AFF3: variants seen among roughly 807,000 people sequenced by gnomAD.
AFF3 encodes AF4/FMR2 family member 3.
Under a neutral mutation model 129.7 loss-of-function variants are expected in AFF3, and 32 were observed. That is an observed-to-expected ratio of 0.25 (90% confidence interval 0.19 to 0.33). The LOEUF is 0.33. Ranked by LOEUF, AFF3 falls within the 10% of genes least tolerant of loss-of-function variation. The pLI is 1.00. For missense variants in AFF3, 1,373 were observed against 1,592.0 expected, an observed-to-expected ratio of 0.86 and a Z score of 2.34; for synonymous variants, 644 against 635.4, an observed-to-expected ratio of 1.01 and a Z score of -0.20.
chr2:99,816,383 T>A (rs957571050), intron 8 of AFF3, among the ~76,000 whole-genome samples: 5 of 152,218 alleles, frequency 3.3e-5, no homozygotes, highest in Non-Finnish European at 7.3e-5. Context: ...AGACTGTTAT[T>A]TCTTGCTGTT....
At chr2:100,022,165 G>A (rs936240482) in intron 4 of AFF3, among the ~76,000 whole-genome samples, 18 of 152,098 alleles carry the variant, frequency 1.2e-4, no homozygotes, top group African/African-American at 3.9e-4. Flanking sequence ...GAAAACCAAG[G>A]GGTCTTCCTA....
intron 11 of AFF3, among the ~76,000 whole-genome samples, chr2:99,688,727 A>G (rs1002829849): frequency 2.0e-5 from 3 of 151,790 alleles, no homozygotes; most frequent in African/African-American, 7.3e-5. Context: ...TCCACTCCCA[A>G]CCATGACATC....
At chr2:99,992,987 A>G (rs964271282) in intron 7 of AFF3, among the ~76,000 whole-genome samples, 2 of 152,174 alleles carry the variant, frequency 1.3e-5, no homozygotes, top group African/African-American at 4.8e-5. Context: ...TGGGCAGGAT[A>G]TGCCCTCCCC....
chr2:99,686,378 C>T (rs958893640), intron 11 of AFF3, among the ~76,000 whole-genome samples: 6 of 152,192 alleles, frequency 3.9e-5, no homozygotes, highest in Non-Finnish European at 1.5e-5. Flanking sequence ...TTCAGGTGCA[C>T]ACTCCCTCTC....
intron 2 of AFF3, among the ~76,000 whole-genome samples, chr2:100,111,224 GAGAAGTCAC>G (rs933537157): frequency 8.5e-5 from 13 of 152,244 alleles, no homozygotes; most frequent in African/African-American, 2.9e-4. Context: ...TAACCCATTA[GAGAAGTCAC>G]AGTCCCTTAA....
At chr2:100,047,681 G>A (rs1035063029) in intron 4 of AFF3, among the ~76,000 whole-genome samples, 1 of 152,222 alleles carries the variant, frequency 6.6e-6, no homozygotes, top group Non-Finnish European at 1.5e-5. Context: ...AGGCAATGCA[G>A]TAATGCTTAA....
intron 11 of AFF3, among the ~76,000 whole-genome samples, chr2:99,714,552 C>A (rs1348120833): frequency 6.6e-6 from 1 of 151,176 alleles, no homozygotes; most frequent in Admixed American, 6.6e-5. Flanking sequence ...GGACGGACAC[C>A]TCATAGACTA....
At chr2:99,979,036 C>CAATGATCTCTTCAACTGAAGAGATCAAT (rs1330628947) in intron 7 of AFF3, among the ~76,000 whole-genome samples, 14,232 of 151,718 alleles carry the variant, frequency 0.094, 923 homozygotes, top group Non-Finnish European at 0.13. Context: ...AAGAGATCAA[C>CAATGATCTCTTCAACTGAAGAGATCAAT]GCAATGATCT....
intron 10 of AFF3, among the ~76,000 whole-genome samples, chr2:99,727,655 G>A (rs559945577): frequency 5.8e-4 from 88 of 150,882 alleles, no homozygotes; most frequent in African/African-American, 1.9e-3. Context: ...TCCACCTCCC[G>A]GGTTCAAGCA....
intron 7 of AFF3, among the ~76,000 whole-genome samples, chr2:99,999,196 T>G (rs1681150862): frequency 6.6e-6 from 1 of 152,248 alleles, no homozygotes; most frequent in Non-Finnish European, 1.5e-5. Flanking sequence ...TCTAGCTCTA[T>G]GATTTATTTT....
intron 8 of AFF3, among the ~76,000 whole-genome samples, chr2:99,819,137 G>A (rs1176896312): frequency 2.0e-5 from 3 of 152,164 alleles, no homozygotes; most frequent in Non-Finnish European, 4.4e-5. Flanking sequence ...CGTCCCACTG[G>A]CTTTCATTTT....
intron 4 of AFF3, among the ~76,000 whole-genome samples, chr2:100,071,017 T>C (rs1375445773): frequency 6.6e-6 from 1 of 152,212 alleles, no homozygotes; most frequent in Non-Finnish European, 1.5e-5. Flanking sequence ...TTTTGTAATA[T>C]ATAAAAGGAC....
intron 24 of AFF3, among the ~76,000 whole-genome samples, chr2:99,552,372 A>G (rs1313666967): frequency 2.0e-5 from 3 of 152,200 alleles, no homozygotes; most frequent in African/African-American, 7.2e-5. Flanking sequence ...CCTGGGCCAC[A>G]GAGCAAGACT....
chr2:99,573,951 G>A (rs1469904880), intron 18 of AFF3, among the ~76,000 whole-genome samples: 1 of 152,130 alleles, frequency 6.6e-6, no homozygotes, highest in African/African-American at 2.4e-5. Flanking sequence ...TGGAGGAGGT[G>A]GTTTTCCAGC....
chr2:100,072,489 GCA>G (rs1173641619), intron 4 of AFF3, among the ~76,000 whole-genome samples: 1 of 152,184 alleles, frequency 6.6e-6, no homozygotes, highest in Non-Finnish European at 1.5e-5. Context: ...GGCACATGCT[GCA>G]CACCTGGAGC....
chr2:99,854,882 G>T (rs1690409392), intron 7 of AFF3, among the ~76,000 whole-genome samples: 1 of 152,190 alleles, frequency 6.6e-6, no homozygotes, highest in African/African-American at 2.4e-5. Context: ...TTTGTCAAAA[G>T]GTAACTCAGT....
At chr2:100,133,013 G>A (rs12988949) in intron 1 of AFF3, among the ~76,000 whole-genome samples, 2 of 151,236 alleles carry the variant, frequency 1.3e-5, no homozygotes, top group African/African-American at 4.9e-5. Flanking sequence ...CGGCAGCTTC[G>A]AACTCTTGGG....
intron 2 of AFF3, among the ~76,000 whole-genome samples, chr2:100,119,004 T>C (rs1289151398): frequency 1.3e-5 from 2 of 152,096 alleles, no homozygotes; most frequent in Non-Finnish European, 2.9e-5. Flanking sequence ...TTTCACCATG[T>C]TGGCCATGCT....
chr2:99,818,886 T>C (rs1248636829), intron 8 of AFF3, among the ~76,000 whole-genome samples: 3 of 152,312 alleles, frequency 2.0e-5, no homozygotes, highest in South Asian at 2.1e-4. Flanking sequence ...TACATACTTA[T>C]AAACACAACT....
Sources: allele counts gnomAD v4.1 joint callset (sites outside exome capture counted in the v4.1 genomes callset), GRCh38; gene constraint gnomAD v4.1.1; transcripts MANE v1.5; gene names NCBI Gene and HGNC (gene_info 2026-07-23, HGNC 2026-07-21).